The following WWOX variants were observed in gnomAD, a reference collection of about 807,000 sequenced individuals.
WWOX encodes WW domain containing oxidoreductase.
In WWOX, 69 loss-of-function variants were observed where a neutral mutation model predicts 46.2. The observed-to-expected ratio is 1.49, with a 90% CI of 1.23 to 1.82. The LOEUF (loss-of-function observed/expected upper bound fraction) is 1.82, where lower values mean the gene tolerates loss of function less well. WWOX is among the 40% of genes most tolerant of loss of function. The pLI, the probability that WWOX is intolerant of heterozygous loss-of-function variation, is 0.00. For missense variants in WWOX, 919 were observed against 542.6 expected, an observed-to-expected ratio of 1.69 and a Z score of -6.89; for synonymous variants, 359 against 202.6, an observed-to-expected ratio of 1.77 and a Z score of -6.56.
chr16:78,485,745 C>T (rs1009901720), intron 8 of WWOX, among the ~76,000 whole-genome samples: 14 of 152,170 alleles, frequency 9.2e-5, no homozygotes, highest in African/African-American at 2.7e-4. Context: ...CAGATTGCCG[C>T]GGAGCCGCTT....
At chr16:78,656,193 T>C (rs1215724202) in intron 8 of WWOX, among the ~76,000 whole-genome samples, 1 of 152,102 alleles carries the variant, frequency 6.6e-6, no homozygotes, top group Non-Finnish European at 1.5e-5. Flanking sequence ...TGGGTGGGTG[T>C]GTGTGAAAGG....
chr16:78,480,169 C>G (rs1377680808), intron 8 of WWOX, among the ~76,000 whole-genome samples: 1 of 152,146 alleles, frequency 6.6e-6, no homozygotes, highest in South Asian at 2.1e-4. Flanking sequence ...ATTAAAAGTT[C>G]AATTGCTCTG....
intron 5 of WWOX, among the ~76,000 whole-genome samples, chr16:78,258,295 C>A (rs1434380811): frequency 6.6e-6 from 1 of 152,070 alleles, no homozygotes; most frequent in Non-Finnish European, 1.5e-5. Flanking sequence ...TGTTTGCTCT[C>A]CGTTTGGTGG....
rs1302169301 is a variant in WWOX, at chr16:79,125,047, C to CTT, written c.1057-86547_1057-86546dup. ...CTGACTCTGAAACCTATTTTCCCAT[C>CTT]TTTTTTTTTTTTTTTAGGGATAAAT... On this transcript the variant is annotated intron_variant, in intron 8 of 8. Transcript: ENST00000566780. Among the ~76,000 whole-genome samples the CTT allele has an allele frequency of 3.9e-3, 333 of 86,424 alleles. 1 individual carries two copies. Among genetic ancestry groups the CTT allele is most frequent in the African/African-American group, 9.0e-3 (296 of 32,816 alleles). The allele number at this position is 86,424 out of a possible 152,430, so 56.7% of individuals were successfully genotyped here.
chr16:78,675,696 C>T (rs1418533989), intron 8 of WWOX, among the ~76,000 whole-genome samples: 1 of 152,100 alleles, frequency 6.6e-6, no homozygotes, highest in Non-Finnish European at 1.5e-5. Flanking sequence ...ACTTTCTGGC[C>T]AGGCGCAGTG....
intron 8 of WWOX, chr16:78,898,835 T>G (rs938934072): frequency 2.6e-5 from 4 of 152,190 alleles, no homozygotes; most frequent in African/African-American, 7.2e-5. Flanking sequence ...TTATACTTTT[T>G]TGTTAAATTA....
intron 5 of WWOX, among the ~76,000 whole-genome samples, chr16:78,172,591 CTTT>C (rs74809880): frequency 1.4e-5 from 2 of 143,242 alleles, no homozygotes; most frequent in African/African-American, 2.5e-5. Context: ...GTGTCTTCTC[CTTT>C]TTTTTTTTTT....
intron 6 of WWOX, among the ~76,000 whole-genome samples, chr16:78,414,659 T>C (rs974215846): frequency 5.3e-5 from 8 of 152,222 alleles, no homozygotes; most frequent in African/African-American, 1.9e-4. Context: ...CATGAATAAT[T>C]GAGAAAGTTG....
At chr16:78,589,626 GT>G (rs1308983246) in intron 8 of WWOX, among the ~76,000 whole-genome samples, 2 of 152,174 alleles carry the variant, frequency 1.3e-5, no homozygotes, top group East Asian at 3.9e-4. Context: ...TAAGCAAGTA[GT>G]TTCCGGTAAA....
intron 8 of WWOX, among the ~76,000 whole-genome samples, chr16:78,867,783 A>G (rs1378003919): frequency 6.6e-6 from 1 of 152,148 alleles, no homozygotes; most frequent in African/African-American, 2.4e-5. Context: ...TATACTGCCA[A>G]TCTGAGGCCT....
At chr16:78,857,168 G>A (rs756049984) in intron 8 of WWOX, among the ~76,000 whole-genome samples, 21 of 152,138 alleles carry the variant, frequency 1.4e-4, no homozygotes, top group Non-Finnish European at 2.5e-4. Context: ...AAGAGTTTTG[G>A]CTAAGGGAAA....
At chr16:78,983,481 C>G (rs930482589) in intron 8 of WWOX, among the ~76,000 whole-genome samples, 1 of 152,152 alleles carries the variant, frequency 6.6e-6, no homozygotes, top group African/African-American at 2.4e-5. Flanking sequence ...ATAGGAAAGA[C>G]CATCATGCTA....
intron 8 of WWOX, among the ~76,000 whole-genome samples, chr16:78,925,959 GT>G (rs1421743729): frequency 1.3e-5 from 2 of 152,166 alleles, no homozygotes; most frequent in Admixed American, 6.5e-5. Flanking sequence ...CAGAAAGACT[GT>G]GAACCAAGAG....
intron 8 of WWOX, among the ~76,000 whole-genome samples, chr16:78,495,510 CT>C (rs67618109): frequency 0.074 from 3,166 of 42,548 alleles, 103 homozygotes; most frequent in African/African-American, 0.14. Context: ...AGAAAATGGT[CT>C]TTTTTTTTTT....
At chr16:78,785,737 G>A (rs1254743746) in intron 8 of WWOX, among the ~76,000 whole-genome samples, 2 of 152,124 alleles carry the variant, frequency 1.3e-5, no homozygotes, top group Non-Finnish European at 2.9e-5. Context: ...TTATTAAGAA[G>A]TAAGGCAAAA....
intron 8 of WWOX, among the ~76,000 whole-genome samples, chr16:78,733,703 C>T (rs746553693): frequency 2.2e-4 from 33 of 150,812 alleles, no homozygotes; most frequent in Non-Finnish European, 3.8e-4. Context: ...TGCAGTGAGC[C>T]GAGATCATGC....
intron 6 of WWOX, among the ~76,000 whole-genome samples, chr16:78,413,949 C>T (rs917204332): frequency 6.6e-6 from 1 of 151,820 alleles, no homozygotes. Flanking sequence ...TGCACATATA[C>T]ATCCAGATGG....
chr16:79,059,692 C>G (rs984770590), intron 8 of WWOX, among the ~76,000 whole-genome samples: 1 of 152,084 alleles, frequency 6.6e-6, no homozygotes, highest in Admixed American at 6.6e-5. Context: ...GATGGGGTTT[C>G]ACTATGTTGG....
intron 8 of WWOX, among the ~76,000 whole-genome samples, chr16:78,736,580 G>GTTTTGTTTTGTTGTTTTA (rs2049097637): frequency 6.6e-6 from 1 of 151,762 alleles, no homozygotes; most frequent in Non-Finnish European, 1.5e-5. Flanking sequence ...TTTCTTTCTT[G>GTTTTGTTTTGTTGTTTTA]TTTTGTTTTG....
Sources: gnomAD v4.1 joint callset for allele counts (sites outside exome capture counted in the v4.1 genomes callset) on GRCh38, gnomAD v4.1.1 for gene constraint, MANE v1.5 for transcripts, NCBI Gene and HGNC (gene_info 2026-07-23, HGNC 2026-07-21) for gene names.